KCNT1: variants seen among roughly 807,000 people sequenced by gnomAD.
KCNT1 encodes the protein potassium channel subfamily T member 1.
KCNT1 carries 78 observed loss-of-function variants against 147.8 expected under a neutral mutation model. That is an observed-to-expected ratio of 0.53 (90% CI 0.44 to 0.64). The LOEUF is 0.64. KCNT1 is among the 30% of genes least tolerant of loss of function. The pLI, the probability that KCNT1 is intolerant of heterozygous loss-of-function variation, is 0.00. For missense variants in KCNT1, 1,419 were observed against 1,750.3 expected (o/e 0.81, Z 3.38); for synonymous variants, 867 against 748.8 (o/e 1.16, Z -2.58).
At chr9:135,711,103 T>TC (rs1835466956) in intron 1 of KCNT1, among the ~76,000 whole-genome samples, 1 of 152,182 alleles carries the variant, frequency 6.6e-6, no homozygotes, top group South Asian at 2.1e-4. Flanking sequence ...TCATGCCAAC[T>TC]CCAAACAGAG....
chr9:135,746,078 G>A (rs930634709), intron 2 of KCNT1, among the ~76,000 whole-genome samples: 4 of 152,246 alleles, frequency 2.6e-5, no homozygotes. Context: ...ATACACTGCA[G>A]GGGAAAATGG....
intron 4 of KCNT1, 112 bp from the exon 5 acceptor site, chr9:135,753,824 GT>G (rs1831328909): frequency 1.9e-6 from 2 of 1,059,652 alleles, no homozygotes; most frequent in Non-Finnish European, 2.9e-6. Context: ...TTAGCCCCGG[GT>G]GGGTGAGTAG....
intron 2 of KCNT1, among the ~76,000 whole-genome samples, chr9:135,731,633 G>C (rs965006368): frequency 2.0e-5 from 3 of 152,122 alleles, no homozygotes; most frequent in Non-Finnish European, 4.4e-5. Flanking sequence ...CATCGCCCCT[G>C]TGTCTCTAGA....
chr9:135,768,706 G>A, intron 14 of KCNT1, 33 bp downstream of exon 14: 1 of 1,540,638 alleles, frequency 6.5e-7, no homozygotes. Flanking sequence ...CCAGGCGGGA[G>A]GGGCACCGTG....
intron 19 of KCNT1, among the ~76,000 whole-genome samples, chr9:135,774,428 TGTGTG>T (rs1183027024): frequency 4.9e-5 from 7 of 143,442 alleles, no homozygotes; most frequent in East Asian, 2.1e-4. Flanking sequence ...GTCTGTGTGT[TGTGTG>T]GTGTGTCTGT....
At chr9:135,782,911 C>T (rs1489006270) in intron 24 of KCNT1, among the ~76,000 whole-genome samples, 1 of 152,252 alleles carries the variant, frequency 6.6e-6, no homozygotes, top group Non-Finnish European at 1.5e-5. Flanking sequence ...TCTCACGCCC[C>T]AGCCTTCCCA....
At chr9:135,758,577 C>A in intron 10 of KCNT1, 69 bp downstream of exon 10, 1 of 1,258,416 alleles carries the variant, frequency 7.9e-7, no homozygotes, top group South Asian at 1.2e-5. Flanking sequence ...CAGGGCCGGG[C>A]GAGGGGATAC....
intron 2 of KCNT1, among the ~76,000 whole-genome samples, chr9:135,722,418 A>T (rs1391984733): frequency 6.6e-6 from 1 of 152,174 alleles, no homozygotes; most frequent in Admixed American, 6.5e-5. Flanking sequence ...GCCCAGTGGG[A>T]GGGGCTGGCA....
chr9:135,753,910 C>T, intron 4 of KCNT1, 27 bp from the exon 5 acceptor site: 2 of 1,613,664 alleles, frequency 1.2e-6, no homozygotes, highest in South Asian at 1.1e-5. Context: ...GGGGCCAGGG[C>T]CGGGCCAGCG....
chr9:135,757,427 T>A, intron 9 of KCNT1, 46 bp downstream of exon 9: 1 of 1,544,594 alleles, frequency 6.5e-7, no homozygotes, highest in Non-Finnish European at 8.8e-7. Flanking sequence ...GGGGCCACCC[T>A]CAGCCTCACC....
chr9:135,783,485 A>G (rs1445912808), intron 24 of KCNT1, among the ~76,000 whole-genome samples: 1 of 152,220 alleles, frequency 6.6e-6, no homozygotes, highest in Non-Finnish European at 1.5e-5. Context: ...GAGAGGAGAC[A>G]GGTGTCGTTT....
At chr9:135,756,219 C>T (rs934580283) in intron 6 of KCNT1, among the ~76,000 whole-genome samples, 1 of 151,612 alleles carries the variant, frequency 6.6e-6, no homozygotes, top group Admixed American at 6.6e-5. Flanking sequence ...TGCTGAGGAC[C>T]GACCCAGGCT....
rs904474038 is a variant in KCNT1, at chr9:135,794,611, G to A, written c.*2450G>A. The A allele has an allele frequency of 4.6e-5, 7 of 152,232 alleles. No individual in the cohort carries two copies. Among genetic ancestry groups the A allele is most frequent in the East Asian group, 1.9e-4 (1 of 5,198 alleles). The allele number at this position is 152,232 out of a possible 1,614,324, so 9.4% of individuals were successfully genotyped here. On this transcript the variant is annotated 3_prime_UTR_variant, in exon 31 of 31. Coordinates refer to ENST00000371757, the MANE Select transcript of KCNT1 (RefSeq NM_020822.3). ...ACACAGGTGGCACCCAGCGCCCAGC[G>A]GCCTGTGAATCCTCCCGTGGGCAAA... is the stretch of plus-strand genomic sequence containing the variant.
chr9:135,758,324 C>G, intron 9 of KCNT1, 90 bp from the exon 10 acceptor site: 1 of 942,708 alleles, frequency 1.1e-6, no homozygotes, highest in East Asian at 2.9e-5. Flanking sequence ...GCCGGGCCGT[C>G]TGCTTTCCAC....
chr9:135,763,273 C>A (rs563465647), intron 11 of KCNT1, among the ~76,000 whole-genome samples: 1 of 101,684 alleles, frequency 9.8e-6, no homozygotes, highest in Non-Finnish European at 2.2e-5. Context: ...CTCTCACTGG[C>A]GATGGTAAGG....
rs114614666 is a variant in KCNT1, at chr9:135,783,151, G to A, written c.2842-873G>A. Among the ~76,000 whole-genome samples, 823 of 152,328 alleles carry A rather than the reference G, an allele frequency of 5.4e-3. 6 individuals are homozygous for A. Among genetic ancestry groups the A allele is most frequent in the African/African-American group, 0.019 (779 of 41,560 alleles). On this transcript the variant is annotated intron_variant, in intron 24 of 30. Coordinates refer to ENST00000371757, the MANE Select transcript of KCNT1 (RefSeq NM_020822.3). ...TTGGCCACGGCCGGGTCCGGAGCCC[G>A]TGGATGTACCGCCTCACGTGACAGA...
chr9:135,715,550 A>AGGGCTCCGTCACAACCCAGCCCT (rs1835689580), intron 2 of KCNT1, among the ~76,000 whole-genome samples: 1 of 149,042 alleles, frequency 6.7e-6, no homozygotes, highest in East Asian at 2.0e-4. Flanking sequence ...CACTGTCTCC[A>AGGGCTCCGTCACAACCCAGCCCT]GGGCTCCGTC....
At chr9:135,761,326 G>A (rs1015635447) in intron 11 of KCNT1, among the ~76,000 whole-genome samples, 1 of 152,198 alleles carries the variant, frequency 6.6e-6, no homozygotes, top group Non-Finnish European at 1.5e-5. Context: ...GTGGGGTGGA[G>A]CTGGGTTCTC....
chr9:135,768,071 A>G (rs1291635328), intron 13 of KCNT1, among the ~76,000 whole-genome samples: 1 of 142,072 alleles, frequency 7.0e-6, no homozygotes, highest in Non-Finnish European at 1.5e-5. Context: ...GTGGCTCCTG[A>G]ACCCTGCCCC....
Sources: allele counts gnomAD v4.1 joint callset (sites outside exome capture counted in the v4.1 genomes callset), GRCh38; gene constraint gnomAD v4.1.1; transcripts MANE v1.5; gene names NCBI Gene and HGNC (gene_info 2026-07-23, HGNC 2026-07-21).